The following PGM2L1 variants were observed in gnomAD, a reference collection of about 807,000 sequenced individuals.
PGM2L1 encodes glucose 1,6-bisphosphate synthase.
PGM2L1 carries 35 observed loss-of-function variants against 73.4 expected under a neutral mutation model. That is an observed-to-expected ratio of 0.48 (90% CI 0.36 to 0.63). PGM2L1 has a LOEUF of 0.63. PGM2L1 is among the 30% of genes least tolerant of loss of function. The pLI, the probability that PGM2L1 is intolerant of heterozygous loss-of-function variation, is 0.00. For missense variants in PGM2L1, 570 were observed against 742.0 expected (o/e 0.77, Z 2.69); for synonymous variants, 225 against 253.8 (o/e 0.89, Z 1.08).
At chr11:74,346,911 A>T in intron 7 of PGM2L1, 82 bp from the exon 8 acceptor site, 1 of 1,163,742 alleles carries the variant, frequency 8.6e-7, no homozygotes, top group Non-Finnish European at 1.3e-6. Flanking sequence ...GCACAATGTT[A>T]GTGATAGGAA....
rs147406340 is a variant in PGM2L1 at position 74,330,438 on chromosome 11, T to C, written c.*6214A>G. On this transcript the variant is annotated 3_prime_UTR_variant, in exon 14 of 14. Transcript: ENST00000298198. ...GTACTTATAATACACCCTGGTGTTT[T>C]TGTAGGGAAAAATGAGAAGATGTTG... 1.0e-3 allele frequency: 158 copies of C among 152,756 alleles called. No individual in the cohort carries two copies. Among genetic ancestry groups the C allele is most frequent in the African/African-American group, 3.6e-3 (150 of 41,562 alleles). 9.5% of individuals were successfully genotyped at this position (152,756 alleles called of 1,614,324 possible).
intron 11 of PGM2L1, 43 bp downstream of exon 11, chr11:74,342,842 A>G: frequency 2.6e-6 from 4 of 1,534,280 alleles, no homozygotes; most frequent in Non-Finnish European, 3.5e-6. Flanking sequence ...TAGGACAATA[A>G]AAGAAAAATC....
chr11:74,392,000 C>T (rs972586881), intron 1 of PGM2L1, among the ~76,000 whole-genome samples: 2 of 152,168 alleles, frequency 1.3e-5, no homozygotes, highest in African/African-American at 4.8e-5. Flanking sequence ...AATAGCATAA[C>T]TATCAAAATT....
At position 74,398,115 on chromosome 11, in the gene PGM2L1, G is replaced by A. The variant is rs1353633525; in HGVS notation, c.47C>T (p.Ala16Val). The stretch of plus-strand genomic sequence containing the variant: ...CTGAGGGTCCCCGGTGTGGTAGGGG[G>A]CGTGGAGCAGGTTGGAGTTCAGATC... ...EGDLNSNLLH[A>V]PYHTGDPQLD... The change falls in exon 1 of 14, where the codon GCC (alanine) becomes GTC (valine). Residue 16 changes from alanine to valine, a missense_variant. Ala to Val is a moderately conservative substitution (Grantham distance 64). Coordinates refer to ENST00000298198, the MANE Select transcript of PGM2L1 (RefSeq NM_173582.6). The A allele has an allele frequency of 1.2e-6, 2 of 1,613,292 alleles. No individual in the cohort carries two copies. Among genetic ancestry groups the A allele is most frequent in the East Asian group, 2.2e-5 (1 of 44,818 alleles).
intron 5 of PGM2L1, among the ~76,000 whole-genome samples, chr11:74,364,790 C>G (rs544208855): frequency 1.3e-3 from 193 of 152,272 alleles, no homozygotes; most frequent in African/African-American, 4.6e-3. Flanking sequence ...CCATACCACC[C>G]AAGGTAATTT....
intron 2 of PGM2L1, 22 bp from the exon 3 acceptor site, chr11:74,371,839 G>T (rs1406087591): frequency 3.2e-6 from 5 of 1,549,864 alleles, no homozygotes; most frequent in Non-Finnish European, 4.5e-6. Flanking sequence ...AAACACAAAA[G>T]ATTAGTTCTA....
intron 1 of PGM2L1, among the ~76,000 whole-genome samples, chr11:74,392,819 C>T (rs936858677): frequency 7.9e-5 from 12 of 152,194 alleles, no homozygotes; most frequent in African/African-American, 2.7e-4. Flanking sequence ...GGATTAGAGG[C>T]GTGAGCCACT....
intron 5 of PGM2L1, among the ~76,000 whole-genome samples, chr11:74,353,530 T>C (rs951316526): frequency 4.0e-5 from 6 of 151,266 alleles, no homozygotes; most frequent in African/African-American, 1.5e-4. Context: ...TAGGGAGTAG[T>C]GATGACTCTT....
intron 12 of PGM2L1, among the ~76,000 whole-genome samples, chr11:74,341,392 A>T (rs1438172748): frequency 6.6e-6 from 1 of 152,142 alleles, no homozygotes; most frequent in East Asian, 1.9e-4. Context: ...CAACAGAGTA[A>T]AGTAAAAGGA....
chr11:74,397,089 A>G (rs1262514497), intron 1 of PGM2L1, among the ~76,000 whole-genome samples: 1 of 152,238 alleles, frequency 6.6e-6, no homozygotes, highest in Non-Finnish European at 1.5e-5. Context: ...AGCCTTAAGG[A>G]AATTCATTTG....
chr11:74,398,429 C>T lies in PGM2L1; in HGVS notation c.-268G>A, dbSNP rs1314917140. 1 of 372,674 alleles carries T rather than the reference C, an allele frequency of 2.7e-6. No homozygotes were observed. The highest frequency in any genetic ancestry group is 5.3e-5 in the East Asian group (1 of 18,818). 23.1% of individuals were successfully genotyped at this position (372,674 alleles called of 1,614,324 possible). A position where few individuals can be genotyped will look rare whatever the true frequency, so the allele number is the denominator to read the frequency against. On this transcript the variant is annotated 5_prime_UTR_variant, in exon 1 of 14. Transcript: ENST00000298198. ...TCGCGCCGCGAGAGAACAACAGTCC[C>T]AGATGTCTGGGTCCTGGCTCCGCCG...
At chr11:74,355,697 G>A in intron 5 of PGM2L1, 1 of 514,312 alleles carries the variant, frequency 1.9e-6, no homozygotes, top group South Asian at 1.4e-5. Context: ...AATAGCAGCA[G>A]TAGCTATGGC....
At chr11:74,367,992 A>G (rs1292420896) in intron 5 of PGM2L1, among the ~76,000 whole-genome samples, 1 of 152,164 alleles carries the variant, frequency 6.6e-6, no homozygotes, top group East Asian at 1.9e-4. Flanking sequence ...TCGTGGTTCA[A>G]TACTGTGCTG....
Position 74,342,986 on chromosome 11 carries a change from A to G in PGM2L1, c.1341T>C (p.Asp447=). 6.2e-7 allele frequency: 1 copy of G among 1,606,578 alleles called. No individual in the cohort carries two copies. Among genetic ancestry groups the G allele is most frequent in the East Asian group, 2.2e-5 (1 of 44,700 alleles). The change falls in exon 11 of 14, where the codon GAT becomes GAC. Residue 447 remains aspartate (D), a synonymous_variant. Coordinates refer to ENST00000298198, the MANE Select transcript of PGM2L1 (RefSeq NM_173582.6). ...IGFLCGTSVL[D]KDGVSAAVVV... ...CAACAGCTGCACTCACCCCATCTTT[A>G]TCCAAAACTGAAGTTCCACAGAGAA...
Position 74,362,493 on chromosome 11 carries a change from C to T in PGM2L1, c.555+5999G>A, listed in dbSNP as rs181083898. Among the ~76,000 whole-genome samples, 442 of 152,246 alleles carry T rather than the reference C, an allele frequency of 2.9e-3. 2 individuals are homozygous for T. The highest frequency in any genetic ancestry group is 3.9e-3 in the Non-Finnish European group (268 of 68,022). ...GGAAGAAACTGCATCAACTAACGAG[C>T]AAAATAACCAGCTAACATCATAATG... On this transcript the variant is annotated intron_variant, in intron 5 of 13. Coordinates refer to ENST00000298198, the MANE Select transcript of PGM2L1 (RefSeq NM_173582.6).
At chr11:74,351,230 T>C (rs1862347441) in intron 6 of PGM2L1, among the ~76,000 whole-genome samples, 153 bp downstream of exon 6, 2 of 152,256 alleles carry the variant, frequency 1.3e-5, no homozygotes, top group Non-Finnish European at 2.9e-5. Flanking sequence ...TAGTTAATGG[T>C]TACTTGGGTT....
chr11:74,364,383 A>G (rs980248815), intron 5 of PGM2L1, among the ~76,000 whole-genome samples: 3 of 152,172 alleles, frequency 2.0e-5, no homozygotes, highest in Non-Finnish European at 4.4e-5. Context: ...GGCAGGAGAA[A>G]GAAATAAAGG....
intron 13 of PGM2L1, among the ~76,000 whole-genome samples, chr11:74,338,178 G>T (rs144541338): frequency 8.7e-4 from 132 of 152,316 alleles, no homozygotes; most frequent in African/African-American, 2.8e-3. Context: ...CCCACATATT[G>T]TATGATTCCA....
intron 1 of PGM2L1, among the ~76,000 whole-genome samples, chr11:74,385,714 C>T (rs1217758273): frequency 2.6e-5 from 4 of 151,718 alleles, no homozygotes; most frequent in African/African-American, 4.8e-5. Context: ...TTTGAAATGG[C>T]GAAAATACTA....
Sources: allele counts gnomAD v4.1 joint callset (sites outside exome capture counted in the v4.1 genomes callset), GRCh38; gene constraint gnomAD v4.1.1; transcripts MANE v1.5; gene names NCBI Gene and HGNC (gene_info 2026-07-23, HGNC 2026-07-21).